Variants in ATP2B2 observed in about 807,000 individuals in gnomAD.
The protein encoded by ATP2B2 is plasma membrane calcium-transporting ATPase 2.
A neutral mutation model predicts 120.0 loss-of-function variants in ATP2B2; 15 were observed. The ratio of observed to expected loss-of-function variants is 0.12; its 90% CI spans 0.08 to 0.19. ATP2B2 has a LOEUF of 0.19. ATP2B2 is among the 10% of genes least tolerant of loss of function. The pLI is 1.00. For missense variants in ATP2B2, 1,045 were observed against 1,719.8 expected, an observed-to-expected ratio of 0.61 and a Z score of 6.94; for synonymous variants, 694 against 700.3, an observed-to-expected ratio of 0.99 and a Z score of 0.14.
chr3:10,400,888 G>C lies in ATP2B2; in HGVS notation c.781+65C>G, dbSNP rs910243644. 6 of 1,608,532 alleles carry C rather than the reference G, an allele frequency of 3.7e-6. No individual in the cohort carries two copies. The African/African-American group carries it at 4.0e-5, about 11-fold the overall frequency. On this transcript the variant is annotated intron_variant, in intron 5 of 22. Transcript: ENST00000360273. ...CTCTGAGTCCCTTCAGCCTCATGAA[G>C]GGGACACACAGGCATCCCCTGTGCA...
At chr3:10,699,553 C>T (rs2071787078) in intron 1 of ATP2B2, among the ~76,000 whole-genome samples, 1 of 152,082 alleles carries the variant, frequency 6.6e-6, no homozygotes, top group African/African-American at 2.4e-5. Context: ...GTTTTACTTT[C>T]TTTTTTGTAT....
chr3:10,493,694 G>A (rs1183748474), intron 1 of ATP2B2, among the ~76,000 whole-genome samples: 1 of 152,200 alleles, frequency 6.6e-6, no homozygotes, highest in African/African-American at 2.4e-5. Context: ...TATTCTACAT[G>A]CATGCACTCA....
chr3:10,471,007 G>A (rs1041527345), intron 1 of ATP2B2, among the ~76,000 whole-genome samples: 15 of 152,300 alleles, frequency 9.8e-5, no homozygotes, highest in Middle Eastern at 3.4e-3. Context: ...GGCCTGGGGG[G>A]CCCTGCGGCA....
intron 3 of ATP2B2, among the ~76,000 whole-genome samples, chr3:10,524,620 T>C (rs2067053348): frequency 6.6e-6 from 1 of 152,172 alleles, no homozygotes; most frequent in Non-Finnish European, 1.5e-5. Context: ...TAATTCATCA[T>C]CTCCCCAGCT....
At position 10,340,323 on chromosome 3, in the gene ATP2B2, C is replaced by T. The variant is rs2060238259; in HGVS notation, c.3156G>A (p.Lys1052=). 1 of 1,614,204 alleles carries T rather than the reference C, an allele frequency of 6.2e-7. No homozygotes were observed. The highest frequency in any genetic ancestry group is 8.5e-7 in the Non-Finnish European group (1 of 1,180,046). The change falls in exon 21 of 23, where the codon AAG becomes AAA. Residue 1052 remains lysine (K), a synonymous_variant. Transcript: ENST00000360273. This position sits in a 1 kb window ranked among gnomAD's most constrained non-coding sequence, Gnocchi z 5.0. ...IQIVIVQFGG[K]PFSCSPLQLD... is the part of the protein sequence containing the mutation. ...GCTGCAGTGGAGAGCAGCTGAATGG[C>T]TTCCCTCCAAACTGCACGATCACTA...
At chr3:10,545,528 C>CAA (rs5846669) in intron 2 of ATP2B2, among the ~76,000 whole-genome samples, 18,119 of 132,362 alleles carry the variant, frequency 0.14, 1,389 homozygotes, top group East Asian at 0.4. Context: ...GAATCCATCT[C>CAA]AAAAAAAAAA....
intron 1 of ATP2B2, among the ~76,000 whole-genome samples, chr3:10,649,647 A>AATGG (rs941905475): frequency 3.9e-5 from 6 of 152,134 alleles, no homozygotes; most frequent in African/African-American, 9.7e-5. Context: ...GGATAGGATA[A>AATGG]ATGGATGGAT....
chr3:10,520,295 G>A (rs553648101), intron 3 of ATP2B2, among the ~76,000 whole-genome samples: 206 of 152,278 alleles, frequency 1.4e-3, no homozygotes, highest in African/African-American at 4.7e-3. Flanking sequence ...AGCCAGTGCT[G>A]GAGCAAGCAG....
intron 5 of ATP2B2, among the ~76,000 whole-genome samples, chr3:10,398,203 A>G (rs1473758196): frequency 1.3e-5 from 2 of 152,204 alleles, no homozygotes; most frequent in African/African-American, 4.8e-5. Flanking sequence ...GAAGGCCACT[A>G]GAAACCATCC....
At chr3:10,555,453 G>A (rs1419572707) in intron 2 of ATP2B2, among the ~76,000 whole-genome samples, 13 of 152,186 alleles carry the variant, frequency 8.5e-5, no homozygotes, top group South Asian at 2.1e-4. Flanking sequence ...TGCCTCCTCC[G>A]GGAAGCCTTC....
At chr3:10,383,960 C>T (rs2061601907) in intron 8 of ATP2B2, among the ~76,000 whole-genome samples, 1 of 152,180 alleles carries the variant, frequency 6.6e-6, no homozygotes, top group Non-Finnish European at 1.5e-5. Context: ...CTCTCTCAGC[C>T]ATGGGTTTGC....
At chr3:10,621,887 C>T (rs1006088178) in intron 1 of ATP2B2, among the ~76,000 whole-genome samples, 1 of 152,252 alleles carries the variant, frequency 6.6e-6, no homozygotes, top group Non-Finnish European at 1.5e-5. Context: ...GCTGACCAGG[C>T]TGTGCTCCCG....
In ATP2B2 at chr3:10,328,772, C is replaced by T. The variant is rs767788978; in HGVS notation, c.*42G>A. On this transcript the variant is annotated 3_prime_UTR_variant, in exon 23 of 23. Coordinates refer to ENST00000360273, the MANE Select transcript of ATP2B2 (RefSeq NM_001001331.4). ...TGGGTGCCCGGAAAGCGGGTGGCAG[C>T]GGGGTCCATGAGGGCGGGCGGGCAG... 21 of 1,556,630 alleles carry T rather than the reference C, an allele frequency of 1.3e-5. No individual in the cohort carries two copies. Among genetic ancestry groups the T allele is most frequent in the African/African-American group, 4.1e-5 (3 of 73,220 alleles).
At chr3:10,396,704 G>A (rs566701498) in intron 5 of ATP2B2, among the ~76,000 whole-genome samples, 24 of 152,358 alleles carry the variant, frequency 1.6e-4, no homozygotes, top group Non-Finnish European at 1.9e-4. Flanking sequence ...CTGAAGGTAG[G>A]GAGGAGTTGG....
chr3:10,521,781 C>A (rs908178223), intron 3 of ATP2B2, among the ~76,000 whole-genome samples: 3 of 152,220 alleles, frequency 2.0e-5, no homozygotes. Context: ...TTGGAAGGAA[C>A]AACAGCATTT....
chr3:10,525,122 A>C (rs569551566), intron 3 of ATP2B2, among the ~76,000 whole-genome samples: 2 of 152,258 alleles, frequency 1.3e-5, no homozygotes, highest in South Asian at 4.1e-4. Flanking sequence ...GTTCAGGAGG[A>C]GGCAGCAGAG....
intron 12 of ATP2B2, among the ~76,000 whole-genome samples, chr3:10,364,349 G>A (rs1346682893): frequency 6.6e-6 from 1 of 152,064 alleles, no homozygotes; most frequent in South Asian, 2.1e-4. Flanking sequence ...ACTTGAAAAT[G>A]GTCAAGTTTG....
chr3:10,361,523 C>G (rs990892676), intron 12 of ATP2B2, among the ~76,000 whole-genome samples: 7 of 152,180 alleles, frequency 4.6e-5, no homozygotes, highest in African/African-American at 1.4e-4. Flanking sequence ...GCCCTGTGCC[C>G]GCCGCAGGGC....
chr3:10,344,071 C>T (rs1372992054), intron 18 of ATP2B2, among the ~76,000 whole-genome samples: 2 of 152,096 alleles, frequency 1.3e-5, no homozygotes, highest in African/African-American at 4.8e-5. Context: ...TCCTGGCTTT[C>T]TCTCTCACCT....
Sources: allele counts gnomAD v4.1 joint callset (sites outside exome capture counted in the v4.1 genomes callset), GRCh38; gene constraint gnomAD v4.1.1; non-coding constraint Gnocchi (gnomAD v3.1); transcripts MANE v1.5; gene names NCBI Gene and HGNC (gene_info 2026-07-23, HGNC 2026-07-21).